Variants in PLEKHG1 observed in about 807,000 individuals in gnomAD.
PLEKHG1 encodes pleckstrin homology domain-containing family G member 1.
PLEKHG1 carries 44 observed loss-of-function variants against 100.8 expected under a neutral mutation model. The observed-to-expected ratio is 0.44, with a 90% confidence interval of 0.34 to 0.56. The LOEUF is 0.56. PLEKHG1 is among the 20% of genes least tolerant of loss of function. The pLI is 0.01. For synonymous variants in PLEKHG1, 640 were observed against 662.5 expected (o/e 0.97, Z 0.52); for missense variants, 1,545 against 1,720.9 (o/e 0.90, Z 1.81).
Position 150,809,431 on chromosome 6 carries a change from C to T in PLEKHG1, c.1146C>T (p.Phe382=), listed in dbSNP as rs202011998. The T allele has an allele frequency of 4.1e-5, 66 of 1,613,982 alleles. No individual in the cohort carries two copies. In the East Asian group the frequency reaches 1.3e-3, roughly 33 times the overall value. Reference sequence around the variant, plus strand: ...TGATTCCAAAAGAGCCGCTCAGCTTCAGCGTCTTCCACTACAAGAATCCCA... The same window carrying T: ...TGATTCCAAAAGAGCCGCTCAGCTTTAGCGTCTTCCACTACAAGAATCCCA... Residue 382 remains phenylalanine, a synonymous_variant, in exon 9 of 16, where the codon TTC becomes TTT. Coordinates refer to ENST00000358517, the Ensembl canonical transcript of PLEKHG1.
intron 3 of PLEKHG1, among the ~76,000 whole-genome samples, chr6:150,778,885 T>G (rs1392355076): frequency 2.0e-5 from 3 of 152,212 alleles, no homozygotes; most frequent in African/African-American, 7.2e-5. Flanking sequence ...AAAGGAAAGC[T>G]GACCAGGTAA....
intron 4 of PLEKHG1, among the ~76,000 whole-genome samples, chr6:150,790,309 G>A (rs565055867): frequency 1.3e-5 from 2 of 152,206 alleles, no homozygotes; most frequent in African/African-American, 4.8e-5. Flanking sequence ...TTACAGGCGT[G>A]AGCCACCGTG....
intron 3 of PLEKHG1, among the ~76,000 whole-genome samples, chr6:150,684,069 T>A (rs1196581443): frequency 6.6e-6 from 1 of 152,204 alleles, no homozygotes; most frequent in African/African-American, 2.4e-5. Context: ...ACATACGCTA[T>A]GCTGGGCACA....
chr6:150,834,123 A>G (rs1270292659), intron 15 of PLEKHG1, among the ~76,000 whole-genome samples: 1 of 152,190 alleles, frequency 6.6e-6, no homozygotes, highest in Non-Finnish European at 1.5e-5. Context: ...GAAGGATTTC[A>G]CAGACTCTGA....
chr6:150,669,777 T>C (rs1779523820), intron 3 of PLEKHG1, among the ~76,000 whole-genome samples: 1 of 151,892 alleles, frequency 6.6e-6, no homozygotes. Context: ...TTTGTATTTT[T>C]AGTAGAGACA....
chr6:150,743,909 G>C (rs1363685091), intron 2 of PLEKHG1, among the ~76,000 whole-genome samples: 2 of 152,186 alleles, frequency 1.3e-5, no homozygotes, highest in Non-Finnish European at 2.9e-5. Flanking sequence ...TGAAAACCTT[G>C]TGAGTGGGAG....
At chr6:150,728,432 A>G (rs1269944172) in intron 1 of PLEKHG1, among the ~76,000 whole-genome samples, 1 of 152,068 alleles carries the variant, frequency 6.6e-6, no homozygotes, top group Non-Finnish European at 1.5e-5. Flanking sequence ...CATCTCTAGA[A>G]AAATTAAAAA....
intron 2 of PLEKHG1, among the ~76,000 whole-genome samples, chr6:150,743,916 G>T (rs1189317920): frequency 6.6e-6 from 1 of 152,182 alleles, no homozygotes; most frequent in African/African-American, 2.4e-5. Flanking sequence ...CTTGTGAGTG[G>T]GAGGGAATCA....
At chr6:150,791,293 A>G (rs2128656078) in intron 4 of PLEKHG1, among the ~76,000 whole-genome samples, 1 of 152,254 alleles carries the variant, frequency 6.6e-6, no homozygotes, top group South Asian at 2.1e-4. Context: ...AGGAGAGGAA[A>G]ACCTGTAAGA....
chr6:150,815,129 TTTC>T (rs1264019412), intron 10 of PLEKHG1, among the ~76,000 whole-genome samples: 5 of 152,366 alleles, frequency 3.3e-5, no homozygotes, highest in African/African-American at 1.2e-4. Context: ...CTCGAGATTA[TTTC>T]TTATTTTCCT....
At chr6:150,731,070 CT>C (rs1399772497) in intron 1 of PLEKHG1, among the ~76,000 whole-genome samples, 2 of 152,028 alleles carry the variant, frequency 1.3e-5, no homozygotes, top group African/African-American at 4.8e-5. Flanking sequence ...GAAAGGAAAC[CT>C]TGTTGTGTCC....
At position 150,831,367 on chromosome 6, in the gene PLEKHG1, G is replaced by A. The variant is rs758964027; in HGVS notation, c.2256G>A (p.Ser752=). 8.1e-6 allele frequency: 13 copies of A among 1,613,930 alleles called. No individual in the cohort carries two copies. The highest frequency in any genetic ancestry group is 4.4e-5 in the South Asian group (4 of 91,070). ...CCATAGGGCTCCCAGATCCTCCGTC[G>A]CTGGGTTTTAAGTGCAGCAGCCTAA... Residue 752 remains serine (S), a synonymous_variant, in exon 15 of 16, where the codon TCG becomes TCA. Coordinates refer to ENST00000358517, the Ensembl canonical transcript of PLEKHG1. This position sits in a 1 kb window ranked among gnomAD's most constrained non-coding sequence, Gnocchi z 4.1.
intron 2 of PLEKHG1, among the ~76,000 whole-genome samples, chr6:150,755,122 C>G (rs1422346063): frequency 6.6e-6 from 1 of 152,160 alleles, no homozygotes; most frequent in Non-Finnish European, 1.5e-5. Flanking sequence ...ACTACAGATA[C>G]ATGGCACCAC....
chr6:150,762,540 C>G lies in PLEKHG1; in HGVS notation c.412-6098C>G, dbSNP rs1417555093. The stretch of plus-strand genomic sequence containing the variant: ...TTTCTTCCCTTTCTTCTCCTTCCTT[C>G]CCCCTGCCCAAAGCTATTGCCAGAA... On this transcript the variant is annotated intron_variant, in intron 2 of 15. Transcript: ENST00000358517. 1.3e-5 allele frequency among the ~76,000 whole-genome samples: 2 copies of G among 152,180 alleles called. 1 individual carries two copies. The highest frequency in any genetic ancestry group is 3.9e-4 in the East Asian group (2 of 5,176).
At chr6:150,804,805 T>A in intron 7 of PLEKHG1, 64 bp downstream of exon 8, 1 of 1,522,878 alleles carries the variant, frequency 6.6e-7, no homozygotes, top group Non-Finnish European at 9.0e-7. Flanking sequence ...GTTTTCCCAA[T>A]AAAATATTAA....
chr6:150,741,701 G>T (rs935895196), intron 2 of PLEKHG1, among the ~76,000 whole-genome samples: 1 of 152,174 alleles, frequency 6.6e-6, no homozygotes, highest in Non-Finnish European at 1.5e-5. Flanking sequence ...TGGTTGAGCT[G>T]GAACTGAAAA....
chr6:150,764,116 TC>T (rs1784329411), intron 2 of PLEKHG1, among the ~76,000 whole-genome samples: 3 of 125,000 alleles, frequency 2.4e-5, no homozygotes, highest in African/African-American at 1.2e-4. Flanking sequence ...ATTTTCTTTT[TC>T]TTTTTCTTTT....
Position 150,804,755 on chromosome 6 carries a change from GTGT to G in PLEKHG1, c.912+15_912+17del. Reference sequence around the variant, plus strand: ...GTCCGGTTACAGGTGAGCCCGCGAGGTGTCGGTGCCCGGCAGGGTTGCAGGTGT... The same window carrying G: ...GTCCGGTTACAGGTGAGCCCGCGAGGCGGTGCCCGGCAGGGTTGCAGGTGT... On this transcript the variant is annotated intron_variant, in intron 7 of 15. Transcript: ENST00000358517. 1.2e-6 allele frequency: 2 copies of G among 1,610,346 alleles called. No individual in the cohort carries two copies. The highest frequency in any genetic ancestry group is 2.2e-5 in the South Asian group (2 of 90,108).
At chr6:150,734,152 T>C (rs1583025408) in intron 2 of PLEKHG1, 60 bp downstream of exon 3, 2 of 1,524,358 alleles carry the variant, frequency 1.3e-6, no homozygotes, top group Non-Finnish European at 1.8e-6. Context: ...GCAAAAGAAA[T>C]GACAAAGCCA....
Sources: allele counts gnomAD v4.1 joint callset (sites outside exome capture counted in the v4.1 genomes callset), GRCh38; gene constraint gnomAD v4.1.1; non-coding constraint Gnocchi (gnomAD v3.1); transcripts MANE v1.5; gene names NCBI Gene and HGNC (gene_info 2026-07-23, HGNC 2026-07-21).